The following PCDHA2 variants were observed in gnomAD, a reference collection of about 807,000 sequenced individuals.
PCDHA2 encodes the protein protocadherin alpha-2.
Under a neutral mutation model 66.0 loss-of-function variants are expected in PCDHA2, and 58 were observed. The observed-to-expected ratio is 0.88, with a 90% CI of 0.71 to 1.09. PCDHA2 has a LOEUF of 1.09. Among genes scored for constraint, PCDHA2 ranks in the 50% least tolerant of loss-of-function variants. The pLI, the probability that PCDHA2 is intolerant of heterozygous loss-of-function variation, is 0.00. For synonymous variants in PCDHA2, 634 were observed against 554.0 expected (o/e 1.14, Z -2.03); for missense variants, 1,267 against 1,242.3 (o/e 1.02, Z -0.30).
intron 1 of PCDHA2, chr5:140,968,410 T>G: frequency 6.2e-7 from 1 of 1,614,040 alleles, no homozygotes. Context: ...TCTTTGTGAC[T>G]GTGGAGGCTC....
intron 1 of PCDHA2, among the ~76,000 whole-genome samples, chr5:140,890,446 T>C (rs1554184296): frequency 6.6e-6 from 1 of 152,228 alleles, no homozygotes; most frequent in Admixed American, 6.5e-5. Context: ...CCTAGTGATA[T>C]CTTTAGGCAC....
At chr5:140,957,134 T>C (rs2095335911) in intron 1 of PCDHA2, among the ~76,000 whole-genome samples, 1 of 152,210 alleles carries the variant, frequency 6.6e-6, no homozygotes, top group Admixed American at 6.5e-5. Flanking sequence ...TACTACACTA[T>C]GAACTAAAAA....
chr5:140,843,354 C>G, intron 1 of PCDHA2: 1 of 1,596,098 alleles, frequency 6.3e-7, no homozygotes, highest in East Asian at 2.2e-5. Context: ...GCTCCAAAAG[C>G]GTCATCGAGG....
chr5:141,000,027 A>G (rs782393146), intron 3 of PCDHA2, among the ~76,000 whole-genome samples: 4 of 152,048 alleles, frequency 2.6e-5, no homozygotes, highest in Non-Finnish European at 5.9e-5. Flanking sequence ...TAAGCCTGAC[A>G]TCCAATCACA....
At chr5:140,822,035 C>A (rs2150113040) in intron 1 of PCDHA2, 15 of 1,614,084 alleles carry the variant, frequency 9.3e-6, no homozygotes, top group Non-Finnish European at 1.2e-5. Flanking sequence ...TTTGTGAATT[C>A]TCGGATCGAC....
chr5:140,809,198 G>T, intron 1 of PCDHA2: 1 of 1,614,074 alleles, frequency 6.2e-7, no homozygotes, highest in Non-Finnish European at 8.5e-7. Flanking sequence ...GTCACTTGTG[G>T]AGAGTGGACA....
intron 1 of PCDHA2, chr5:140,834,550 T>C (rs1773085767): frequency 6.2e-7 from 1 of 1,613,956 alleles, no homozygotes; most frequent in South Asian, 1.1e-5. Flanking sequence ...GGGCTGGAGC[T>C]GGCGGAGCTG....
rs372500794 is a variant in PCDHA2, at chr5:140,876,782, C to A, written c.2388+79430C>A. 5.6e-6 allele frequency: 9 copies of A among 1,614,096 alleles called. No individual in the cohort carries two copies. The East Asian group carries it at 1.8e-4, about 32-fold the overall frequency. On this transcript the variant is annotated intron_variant, in intron 1 of 3. Transcript: ENST00000526136. ...GATGGGGGCTCGCCTTCGCTGTGGG[C>A]CACGGCTAGAGTGTCCGTGGAGGTG...
rs550922282 is a variant in PCDHA2, at chr5:140,927,864, T to C, written c.2389-51085T>C. On this transcript the variant is annotated intron_variant, in intron 1 of 3. Transcript: ENST00000526136. The stretch of plus-strand genomic sequence containing the variant: ...GTGTCTTTGGTTTAGCTAGCACCGC[T>C]AAACTGCTGGTGGAGGTGACTGACG... The C allele has an allele frequency of 6.8e-6, 11 of 1,614,200 alleles. No homozygotes were observed. In the South Asian group the frequency reaches 1.2e-4, roughly 18 times the overall value.
chr5:140,873,131 T>C (rs895883185), intron 1 of PCDHA2, among the ~76,000 whole-genome samples: 7 of 152,334 alleles, frequency 4.6e-5, no homozygotes, highest in Admixed American at 3.9e-4. Context: ...TCAAAGAGTC[T>C]ATGCTGAAGC....
At chr5:140,926,549 C>A in intron 1 of PCDHA2, 1 of 231,836 alleles carries the variant, frequency 4.3e-6, no homozygotes, top group Non-Finnish European at 8.2e-6. Flanking sequence ...GTGGTCGAGA[C>A]CCCAGCCCGC....
intron 1 of PCDHA2, chr5:140,815,038 A>T (rs1765640117): frequency 1.3e-5 from 2 of 152,070 alleles, no homozygotes; most frequent in African/African-American, 2.4e-5. Flanking sequence ...TTTGCATGAA[A>T]TTTTTTTAAT....
intron 1 of PCDHA2, chr5:140,823,273 G>T (rs893775587): frequency 7.4e-6 from 12 of 1,612,400 alleles, no homozygotes; most frequent in Non-Finnish European, 1.0e-5. Flanking sequence ...GCGGGTGGGC[G>T]AGCGCCCGCT....
At position 140,797,133 on chromosome 5, in the gene PCDHA2, C is replaced by G; in HGVS notation, c.2169C>G (p.Cys723Trp). The G allele has an allele frequency of 1.9e-6, 3 of 1,613,992 alleles. No individual in the cohort carries two copies. Among genetic ancestry groups the G allele is most frequent in the Middle Eastern group, 1.6e-4 (1 of 6,062 alleles). ...TGCTGCTGTACACTGCGCTGCGGTG[C>G]TCGGTGCCACCCACCGAGGGTGCGC... ...LTVLLYTALR[C>W]SVPPTEGARA... Residue 723 changes from cysteine (C) to tryptophan (W), a missense_variant, in exon 1 of 4, where the codon TGC becomes TGG. Physicochemically the swap from Cys to Trp is radical, Grantham distance 215. Coordinates refer to ENST00000526136, the MANE Select transcript of PCDHA2 (RefSeq NM_018905.3).
At chr5:140,883,910 A>G in intron 1 of PCDHA2, 4 of 1,613,424 alleles carry the variant, frequency 2.5e-6, no homozygotes, top group Non-Finnish European at 3.4e-6. Context: ...TCTGGGCAGC[A>G]ACGTGACGCT....
intron 1 of PCDHA2, chr5:140,813,350 AG>A (rs1490272053): frequency 6.6e-6 from 1 of 152,368 alleles, no homozygotes; most frequent in Non-Finnish European, 1.5e-5. Context: ...AAACCTAGAT[AG>A]TATAGCCTAC....
chr5:140,843,088 C>A (rs1554139726), intron 1 of PCDHA2: 4 of 1,595,530 alleles, frequency 2.5e-6, no homozygotes, highest in African/African-American at 1.3e-5. Context: ...GCGCGGGCCA[C>A]GTGGTAGCGA....
intron 1 of PCDHA2, among the ~76,000 whole-genome samples, chr5:140,888,049 T>C (rs554327528): frequency 1.3e-5 from 2 of 152,354 alleles, no homozygotes; most frequent in South Asian, 2.1e-4. Context: ...GTATAATAGA[T>C]GTTTTAACTT....
chr5:140,801,184 G>A (rs1554121297), intron 1 of PCDHA2: 2 of 1,575,362 alleles, frequency 1.3e-6, no homozygotes, highest in Non-Finnish European at 1.7e-6. Flanking sequence ...TCTAATATTT[G>A]GAAAATACTT....
Sources: allele counts gnomAD v4.1 joint callset (sites outside exome capture counted in the v4.1 genomes callset), GRCh38; gene constraint gnomAD v4.1.1; transcripts MANE v1.5; gene names NCBI Gene and HGNC (gene_info 2026-07-23, HGNC 2026-07-21).